Variants in STXBP5L observed in about 807,000 individuals in gnomAD.
The protein encoded by STXBP5L is syntaxin binding protein 5L.
A neutral mutation model predicts 144.5 loss-of-function variants in STXBP5L; 65 were observed. The observed-to-expected ratio is 0.45, with a 90% CI of 0.37 to 0.55. The LOEUF (loss-of-function observed/expected upper bound fraction) is 0.55, where lower values mean the gene tolerates loss of function less well. Ranked by LOEUF, STXBP5L falls within the 20% of genes least tolerant of loss-of-function variation. The pLI is 0.00. For synonymous variants in STXBP5L, 505 were observed against 469.6 expected (o/e 1.08, Z -0.97); for missense variants, 1,298 against 1,405.5 (o/e 0.92, Z 1.22).
chr3:121,390,826 T>C (rs1033503679), intron 22 of STXBP5L, among the ~76,000 whole-genome samples: 1 of 152,080 alleles, frequency 6.6e-6, no homozygotes, highest in Admixed American at 6.5e-5. Flanking sequence ...ATTTTTTCCT[T>C]CATTTCAACC....
intron 19 of STXBP5L, among the ~76,000 whole-genome samples, chr3:121,312,838 G>A (rs1225289002): frequency 6.6e-5 from 10 of 152,134 alleles, no homozygotes; most frequent in African/African-American, 1.4e-4. Context: ...AGAACAAAAT[G>A]AAAAGTCTCC....
intron 5 of STXBP5L, among the ~76,000 whole-genome samples, chr3:121,050,214 C>A (rs111869942): frequency 3.9e-4 from 59 of 152,122 alleles, no homozygotes; most frequent in African/African-American, 1.4e-3. Flanking sequence ...CACTTCTACT[C>A]AGCTATCTCA....
intron 10 of STXBP5L, among the ~76,000 whole-genome samples, chr3:121,215,472 G>A (rs1461722867): frequency 6.6e-6 from 1 of 152,114 alleles, no homozygotes; most frequent in East Asian, 1.9e-4. Flanking sequence ...AGCTTAGTTT[G>A]GCTGGATATG....
chr3:121,408,537 G>T (rs1454871216), intron 23 of STXBP5L, among the ~76,000 whole-genome samples: 1 of 151,914 alleles, frequency 6.6e-6, no homozygotes. Context: ...CACAAACTAA[G>T]TTCCCAGAGT....
At chr3:121,347,505 G>A (rs114664039) in intron 20 of STXBP5L, among the ~76,000 whole-genome samples, 3,515 of 152,190 alleles carry the variant, frequency 0.023, 69 homozygotes, top group Middle Eastern at 0.054. Flanking sequence ...AAGTCATTTG[G>A]TAACTTGATG....
chr3:121,313,606 ACC>A (rs1227015153), intron 19 of STXBP5L, among the ~76,000 whole-genome samples: 2 of 12,604 alleles, frequency 1.6e-4, no homozygotes, highest in Non-Finnish European at 3.1e-4. Context: ...CGGCTGGCCG[ACC>A]CCCCCCCCCG....
intron 5 of STXBP5L, among the ~76,000 whole-genome samples, chr3:121,114,167 G>A (rs559611446): frequency 1.3e-5 from 2 of 152,202 alleles, no homozygotes; most frequent in African/African-American, 4.8e-5. Context: ...GAGGACTCTG[G>A]TAAATTCCCA....
intron 20 of STXBP5L, among the ~76,000 whole-genome samples, chr3:121,349,202 C>T (rs1195025748): frequency 1.3e-5 from 2 of 152,092 alleles, no homozygotes; most frequent in South Asian, 2.1e-4. Context: ...TTTCTGCCTT[C>T]ATTTTGTTAT....
intron 19 of STXBP5L, among the ~76,000 whole-genome samples, chr3:121,294,389 T>TA (rs1464160840): frequency 6.6e-6 from 1 of 152,186 alleles, no homozygotes; most frequent in Non-Finnish European, 1.5e-5. Flanking sequence ...AAGCTTGAGA[T>TA]AGGAGGGGGC....
At chr3:120,936,774 T>G (rs1366619309) in intron 2 of STXBP5L, among the ~76,000 whole-genome samples, 2 of 152,058 alleles carry the variant, frequency 1.3e-5, no homozygotes, top group Admixed American at 6.6e-5. Flanking sequence ...CACACCCGGC[T>G]AATTTTTTTG....
intron 7 of STXBP5L, among the ~76,000 whole-genome samples, chr3:121,150,387 T>C (rs1032999108): frequency 6.6e-6 from 1 of 152,088 alleles, no homozygotes; most frequent in Non-Finnish European, 1.5e-5. Context: ...TTGTCTTGGT[T>C]CCTCATGGTC....
rs566302519 is a variant in STXBP5L at position 121,054,355 on chromosome 3, C to T, written c.470+8820C>T. Among the ~76,000 whole-genome samples, 509 of 151,940 alleles carry T rather than the reference C, an allele frequency of 3.4e-3. 1 individual carries two copies. Among genetic ancestry groups the T allele is most frequent in the Non-Finnish European group, 4.6e-3 (312 of 67,988 alleles). ...TGGAACCAACCCAAATGTCCAACAA[C>T]GATAGACTGGATGAAGAAAATGTGG... On this transcript the variant is annotated intron_variant, in intron 5 of 26. Coordinates refer to ENST00000471454, the MANE Select transcript of STXBP5L (RefSeq NM_001308330.2).
At chr3:121,300,567 C>G (rs234995) in intron 19 of STXBP5L, among the ~76,000 whole-genome samples, 119,583 of 151,980 alleles carry the variant, frequency 0.79, 47,268 homozygotes, top group East Asian at 0.93. Flanking sequence ...ATTAAAGATG[C>G]ACTGTAATGA....
intron 21 of STXBP5L, among the ~76,000 whole-genome samples, chr3:121,380,730 G>T (rs963626367): frequency 6.6e-6 from 1 of 152,116 alleles, no homozygotes; most frequent in Non-Finnish European, 1.5e-5. Flanking sequence ...CCTGAAACCA[G>T]TTCAGGGAGA....
At chr3:121,025,945 C>A (rs1385362969) in intron 3 of STXBP5L, among the ~76,000 whole-genome samples, 1 of 138,686 alleles carries the variant, frequency 7.2e-6, no homozygotes, top group African/African-American at 2.6e-5. Flanking sequence ...TAAATTATAT[C>A]AATATATCAT....
At chr3:121,085,396 T>A (rs2042440141) in intron 5 of STXBP5L, among the ~76,000 whole-genome samples, 1 of 152,238 alleles carries the variant, frequency 6.6e-6, no homozygotes, top group African/African-American at 2.4e-5. Context: ...TGTTTGAAGA[T>A]AACATGATCC....
chr3:121,125,435 C>T (rs1022058980), intron 7 of STXBP5L, among the ~76,000 whole-genome samples: 2 of 151,842 alleles, frequency 1.3e-5, no homozygotes, highest in African/African-American at 2.4e-5. Flanking sequence ...TATGCCACTG[C>T]ATTCCAGCCT....
At chr3:121,131,028 T>G (rs1303990445) in intron 7 of STXBP5L, among the ~76,000 whole-genome samples, 1 of 151,786 alleles carries the variant, frequency 6.6e-6, no homozygotes, top group Admixed American at 6.6e-5. Context: ...GAAACAGACA[T>G]AAAGAGATAA....
chr3:121,126,853 G>A lies in STXBP5L; in HGVS notation c.669+5149G>A, dbSNP rs576395268. On this transcript the variant is annotated intron_variant, in intron 7 of 26. Transcript: ENST00000471454. Reference sequence around the variant, plus strand: ...ATAATCTGATTTCTTGGCTTTTTCAGAGGCTGCAAAATTCCTTGGCTTGCA... The same window carrying A: ...ATAATCTGATTTCTTGGCTTTTTCAAAGGCTGCAAAATTCCTTGGCTTGCA... Among the ~76,000 whole-genome samples the A allele has an allele frequency of 3.1e-4, 47 of 152,248 alleles. No homozygotes were observed. The South Asian group carries it at 9.7e-3, about 32-fold the overall frequency.
Sources: gnomAD v4.1 joint callset for allele counts (sites outside exome capture counted in the v4.1 genomes callset) on GRCh38, gnomAD v4.1.1 for gene constraint, MANE v1.5 for transcripts, NCBI Gene and HGNC (gene_info 2026-07-23, HGNC 2026-07-21) for gene names.